The following CALU variants were observed in gnomAD, a reference collection of about 807,000 sequenced individuals.
CALU encodes IEF SSP 9302.
CALU carries 13 observed loss-of-function variants against 37.5 expected under a neutral mutation model. The observed-to-expected ratio is 0.35, with a 90% CI of 0.23 to 0.55. The LOEUF (loss-of-function observed/expected upper bound fraction) is 0.55, where lower values mean the gene tolerates loss of function less well. Ranked by LOEUF, CALU falls within the 20% of genes least tolerant of loss-of-function variation. The pLI is 0.89. For missense variants in CALU, 282 were observed against 391.7 expected (o/e 0.72, Z 2.36); for synonymous variants, 114 against 133.8 (o/e 0.85, Z 1.02).
rs117820033 is a variant in CALU at position 128,754,630 on chromosome 7, A to G, written c.415+175A>G. On this transcript the variant is annotated intron_variant, in intron 3 of 6. Coordinates refer to ENST00000249364, the MANE Select transcript of CALU (RefSeq NM_001219.5). ...GCCCAGAAGAAATACATATATGACA[A>G]TGTTGAAAACCAATGGCAGGAGTTT... 85 of 1,552,042 alleles carry G rather than the reference A, an allele frequency of 5.5e-5. 1 individual carries two copies. The East Asian group carries it at 1.5e-3, about 27-fold the overall frequency.
In CALU at chr7:128,772,541, C is replaced by T; in HGVS notation, c.*3374C>T. 1 of 1,614,152 alleles carries T rather than the reference C, an allele frequency of 6.2e-7. No homozygotes were observed. The highest frequency in any genetic ancestry group is 8.5e-7 in the Non-Finnish European group (1 of 1,180,014). On this transcript the variant is annotated 3_prime_UTR_variant, in exon 7 of 7. Transcript: ENST00000249364. ...TGCAAACAGGCCAATATTGGGTCCTCAGTTGGGGCCAACTTGGGTAGACGA... is the reference window on the plus strand; with the variant it reads ...TGCAAACAGGCCAATATTGGGTCCTTAGTTGGGGCCAACTTGGGTAGACGA...
At chr7:128,752,114 G>A (rs1390153316) in intron 2 of CALU, among the ~76,000 whole-genome samples, 2 of 151,848 alleles carry the variant, frequency 1.3e-5, no homozygotes, top group Admixed American at 6.6e-5. Context: ...AGATAAGAAT[G>A]GCTTTTACAT....
At chr7:128,752,709 A>T (rs994996900) in intron 2 of CALU, among the ~76,000 whole-genome samples, 3 of 152,106 alleles carry the variant, frequency 2.0e-5, no homozygotes, top group Admixed American at 2.0e-4. Context: ...TTCTGAGACG[A>T]AGTCTTGCTC....
intron 5 of CALU, among the ~76,000 whole-genome samples, chr7:128,766,671 T>C (rs1307558930): frequency 6.6e-6 from 1 of 152,004 alleles, no homozygotes; most frequent in Non-Finnish European, 1.5e-5. Context: ...TCAGGTGATC[T>C]GGTCTCAAAC....
At chr7:128,747,452 A>G (rs1490823181) in intron 1 of CALU, 1 of 130,428 alleles carries the variant, frequency 7.7e-6, no homozygotes, top group African/African-American at 2.9e-5. Context: ...CCCCGCCCCC[A>G]TTATCTCCTT....
chr7:128,760,765 G>A lies in CALU; in HGVS notation c.643+913G>A, dbSNP rs142231307. Among the ~76,000 whole-genome samples, 81 of 152,272 alleles carry A rather than the reference G, an allele frequency of 5.3e-4. 1 individual carries two copies. In the East Asian group the frequency reaches 0.014, roughly 27 times the overall value. On this transcript the variant is annotated intron_variant, in intron 5 of 6. Transcript: ENST00000249364. ...CTACTAAAAATACAAAAAATTAGCC[G>A]GGTGTAGTGGCAGGCGCCTGTAGTC...
Position 128,773,254 on chromosome 7 carries a change from T to C in CALU, c.*4087T>C, listed in dbSNP as rs116699212. Among the ~76,000 whole-genome samples, 596 of 152,328 alleles carry C rather than the reference T, an allele frequency of 3.9e-3. 6 individuals are homozygous for C. Among genetic ancestry groups the C allele is most frequent in the African/African-American group, 0.014 (570 of 41,558 alleles). ...AATTATTAAATGCAAGGACTGAAAATTGAGAGGAATCTGAGTTTTTATTTT... is the reference window on the plus strand; with the variant it reads ...AATTATTAAATGCAAGGACTGAAAACTGAGAGGAATCTGAGTTTTTATTTT... On this transcript the variant is annotated 3_prime_UTR_variant, in exon 7 of 7. Coordinates refer to ENST00000249364, the MANE Select transcript of CALU (RefSeq NM_001219.5).
At chr7:128,759,146 A>G in intron 4 of CALU, 109 bp downstream of exon 4, 1 of 768,560 alleles carries the variant, frequency 1.3e-6, no homozygotes, top group East Asian at 2.7e-5. Context: ...TATATGCTAT[A>G]TAGCATATCA....
At chr7:128,756,771 T>A in intron 3 of CALU, among the ~76,000 whole-genome samples, 1 of 152,104 alleles carries the variant, frequency 6.6e-6, no homozygotes, top group East Asian at 1.9e-4. Context: ...GAAAATAGGT[T>A]TTGTCATTAA....
intron 2 of CALU, among the ~76,000 whole-genome samples, chr7:128,750,324 A>C (rs538096976): frequency 1.2e-4 from 18 of 152,130 alleles, no homozygotes; most frequent in African/African-American, 4.3e-4. Context: ...TTTGGTCTGC[A>C]CATATTTTTT....
intron 2 of CALU, among the ~76,000 whole-genome samples, chr7:128,750,537 A>G (rs1238520800): frequency 6.6e-6 from 1 of 152,226 alleles, no homozygotes; most frequent in African/African-American, 2.4e-5. Context: ...TTAGAATAAG[A>G]TGATAAAATC....
In CALU at chr7:128,767,565, G is replaced by A. The variant is rs767249752; in HGVS notation, c.753G>A (p.Lys251=). Residue 251 remains lysine (K), a synonymous_variant, in exon 6 of 7, where the codon AAG becomes AAA. Transcript: ENST00000249364. ...RDKNRDGKMD[K]EETKDWILPS... ...AGAACCGTGATGGGAAGATGGACAA[G>A]GAAGAGACCAAAGACTGGATCCTTC... 8 of 1,614,140 alleles carry A rather than the reference G, an allele frequency of 5.0e-6. No homozygotes were observed. In the South Asian group the frequency reaches 7.7e-5, roughly 16 times the overall value.
intron 4 of CALU, among the ~76,000 whole-genome samples, chr7:128,759,503 A>C (rs143100021): frequency 6.6e-6 from 1 of 152,222 alleles, no homozygotes; most frequent in Admixed American, 6.5e-5. Context: ...GCTACCAGGT[A>C]GATCATCATG....
In CALU at chr7:128,754,376, G is replaced by A. The variant is rs767524055; in HGVS notation, c.336G>A (p.Gln112=). 1 of 1,614,234 alleles carries A rather than the reference G, an allele frequency of 6.2e-7. No homozygotes were observed. Among genetic ancestry groups the A allele is most frequent in the Non-Finnish European group, 8.5e-7 (1 of 1,180,026 alleles). ...GGATTTACGAGGATGTAGAGCGACA[G>A]TGGAAGGGGCATGACCTCAATGAGG... The part of the protein sequence containing the change: ...KRWIYEDVER[Q]WKGHDLNEDG... Residue 112 remains glutamine (Q), a synonymous_variant, in exon 3 of 7, where the codon CAG becomes CAA. Coordinates refer to ENST00000249364, the MANE Select transcript of CALU (RefSeq NM_001219.5).
chr7:128,755,309 CAAAAAAAAAA>C (rs59208090), intron 3 of CALU, among the ~76,000 whole-genome samples: 2 of 51,526 alleles, frequency 3.9e-5, no homozygotes, highest in African/African-American at 6.0e-5. Context: ...GAGCTCTGTC[CAAAAAAAAAA>C]AAAAAAAAAA....
chr7:128,755,506 T>G (rs1800848322), intron 3 of CALU, among the ~76,000 whole-genome samples: 1 of 152,178 alleles, frequency 6.6e-6, no homozygotes, highest in Admixed American at 6.5e-5. Flanking sequence ...ACTATTTCAG[T>G]ATGTCTGCTT....
intron 5 of CALU, among the ~76,000 whole-genome samples, chr7:128,763,512 C>T (rs185764099): frequency 9.0e-4 from 137 of 152,196 alleles, no homozygotes; most frequent in African/African-American, 2.6e-3. Flanking sequence ...GCCTGGGCGA[C>T]AGAGCAAGAC....
intron 1 of CALU, among the ~76,000 whole-genome samples, chr7:128,745,599 G>C (rs1585000339): frequency 6.6e-6 from 1 of 152,176 alleles, no homozygotes; most frequent in South Asian, 2.1e-4. Context: ...GTAAGACCCT[G>C]TCTCAAAAAA....
chr7:128,759,140 T>C, intron 4 of CALU, 103 bp downstream of exon 4: 1 of 788,432 alleles, frequency 1.3e-6, no homozygotes, highest in Non-Finnish European at 2.0e-6. Context: ...TATATATATA[T>C]GCTATATAGC....
Sources: gnomAD v4.1 joint callset for allele counts (sites outside exome capture counted in the v4.1 genomes callset) on GRCh38, gnomAD v4.1.1 for gene constraint, MANE v1.5 for transcripts, NCBI Gene and HGNC (gene_info 2026-07-23, HGNC 2026-07-21) for gene names.